Variants in GPHN observed in about 807,000 individuals in gnomAD.
GPHN encodes the protein gephyrin.
Under a neutral mutation model 95.5 loss-of-function variants are expected in GPHN, and 17 were observed. The observed-to-expected ratio is 0.18, with a 90% confidence interval of 0.12 to 0.27. The LOEUF is 0.27. GPHN is among the 10% of genes least tolerant of loss of function. GPHN has a pLI of 1.00. For synonymous variants in GPHN, 320 were observed against 322.5 expected, an observed-to-expected ratio of 0.99 and a Z score of 0.08; for missense variants, 660 against 978.1, an observed-to-expected ratio of 0.67 and a Z score of 4.34.
intron 20 of GPHN, among the ~76,000 whole-genome samples, chr14:67,167,490 G>A (rs982634057): frequency 5.9e-5 from 9 of 151,998 alleles, no homozygotes; most frequent in African/African-American, 1.7e-4. Flanking sequence ...TTTTTCCATC[G>A]AAACTATTAG....
At chr14:67,204,548 T>A in the GPHN span, 37 of 1,612,876 alleles carry the variant, frequency 2.3e-5, no homozygotes, top group Non-Finnish European at 5.1e-6. Flanking sequence ...TTTCTCCCTC[T>A]GCAGTTTGTG....
chr14:67,646,604 A>T, the GPHN span: 42 of 1,497,466 alleles, frequency 2.8e-5, no homozygotes, highest in Non-Finnish European at 3.0e-5. Flanking sequence ...GGTGAGAACA[A>T]GAATTCTTGA....
At chr14:67,496,649 T>C in the GPHN span, among the ~76,000 whole-genome samples, 4 of 150,374 alleles carry the variant, frequency 2.7e-5, no homozygotes, top group East Asian at 2.0e-4. Context: ...TTTTCTTTCT[T>C]TCTCTCTCTC....
chr14:67,395,341 C>T, the GPHN span: 3 of 1,501,194 alleles, frequency 2.0e-6, no homozygotes, highest in African/African-American at 2.7e-5. Context: ...GGGCAGGGTC[C>T]CCTGCCCACC....
At chr14:66,681,720 T>G (rs2066942219) in intron 2 of GPHN, among the ~76,000 whole-genome samples, 1 of 152,212 alleles carries the variant, frequency 6.6e-6, no homozygotes, top group South Asian at 2.1e-4. Context: ...TATTGGCATA[T>G]CTTTCTAATA....
chr14:66,973,062 T>G (rs930975653), intron 9 of GPHN, among the ~76,000 whole-genome samples: 1 of 152,220 alleles, frequency 6.6e-6, no homozygotes, highest in Non-Finnish European at 1.5e-5. Context: ...TAAAGAACCA[T>G]TGATAAAATC....
chr14:67,473,385 A>G, the GPHN span: 1 of 1,603,762 alleles, frequency 6.2e-7, no homozygotes, highest in South Asian at 1.1e-5. The surrounding 1 kb of genome is among the most constrained non-coding windows in gnomAD (Gnocchi z 6.5). Context: ...CATGAGTTCC[A>G]TGAGAGATCC....
chr14:67,387,811 A>G, the GPHN span, among the ~76,000 whole-genome samples: 1 of 152,238 alleles, frequency 6.6e-6, no homozygotes, highest in South Asian at 2.1e-4. Flanking sequence ...GTTTGATCTC[A>G]AATTGTTTAA....
chr14:67,320,214 C>CT, the GPHN span: 56 of 1,597,752 alleles, frequency 3.5e-5, no homozygotes, highest in East Asian at 8.7e-4. Flanking sequence ...AAGAGCTTAA[C>CT]TTTTTTTTCC....
intron 5 of GPHN, among the ~76,000 whole-genome samples, chr14:66,907,746 C>T (rs1401307076): frequency 6.6e-6 from 1 of 152,044 alleles, no homozygotes; most frequent in Non-Finnish European, 1.5e-5. Flanking sequence ...CACATAAGCG[C>T]TTTAGTTGAT....
At chr14:67,002,594 T>C (rs1037028063) in intron 9 of GPHN, among the ~76,000 whole-genome samples, 1 of 151,302 alleles carries the variant, frequency 6.6e-6, no homozygotes, top group African/African-American at 2.4e-5. Flanking sequence ...TGAATCCTAA[T>C]CCTGGATTTG....
the GPHN span, among the ~76,000 whole-genome samples, chr14:67,225,962 T>TGTGTGTGTGCGCGC: frequency 1.8e-5 from 2 of 113,490 alleles, no homozygotes; most frequent in African/African-American, 1.0e-4. Context: ...TGTGTGTGTG[T>TGTGTGTGTGCGCGC]GCGCGCGCGC....
At chr14:66,551,785 A>G (rs889015311) in intron 1 of GPHN, among the ~76,000 whole-genome samples, 16 of 152,208 alleles carry the variant, frequency 1.1e-4, no homozygotes, top group Admixed American at 3.9e-4. Context: ...GAAGAGAAAG[A>G]AGGAGGAGGT....
intron 11 of GPHN, among the ~76,000 whole-genome samples, chr14:67,063,861 A>G (rs1423613129): frequency 3.9e-5 from 6 of 152,324 alleles, no homozygotes; most frequent in East Asian, 1.9e-4. Flanking sequence ...TAAATAGACA[A>G]TCATGTCATC....
chr14:67,656,378 C>T, the GPHN span: 1 of 1,525,570 alleles, frequency 6.6e-7, no homozygotes, highest in East Asian at 2.3e-5. Context: ...CCCCTAATTA[C>T]CCCATACTTG....
chr14:66,759,010 G>A (rs1432544100), intron 2 of GPHN, among the ~76,000 whole-genome samples: 1 of 152,116 alleles, frequency 6.6e-6, no homozygotes, highest in Non-Finnish European at 1.5e-5. Flanking sequence ...AATCATGATA[G>A]GACTGAGTTG....
chr14:67,359,450 C>A, the GPHN span, among the ~76,000 whole-genome samples: 1 of 151,928 alleles, frequency 6.6e-6, no homozygotes, highest in Non-Finnish European at 1.5e-5. Flanking sequence ...TTCCTACCGG[C>A]TGGGATCGCT....
the GPHN span, among the ~76,000 whole-genome samples, chr14:67,453,668 A>G: frequency 1.6e-4 from 24 of 152,276 alleles, no homozygotes; most frequent in African/African-American, 5.8e-4. Flanking sequence ...CAGAGCTGGG[A>G]TGAGAAGCAG....
chr14:67,053,719 A>G (rs547431192), intron 10 of GPHN, among the ~76,000 whole-genome samples: 1 of 152,342 alleles, frequency 6.6e-6, no homozygotes, highest in East Asian at 1.9e-4. Context: ...TCTCAATAAA[A>G]TACTGACAAA....
Sources: allele counts gnomAD v4.1 joint callset (sites outside exome capture counted in the v4.1 genomes callset), GRCh38; gene constraint gnomAD v4.1.1; non-coding constraint Gnocchi (gnomAD v3.1); transcripts MANE v1.5; gene names NCBI Gene and HGNC (gene_info 2026-07-23, HGNC 2026-07-21).